The following RGMA variants were observed in gnomAD, a reference collection of about 807,000 sequenced individuals.
The protein encoded by RGMA is repulsive guidance molecule BMP co-receptor a.
RGMA carries 10 observed loss-of-function variants against 23.2 expected under a neutral mutation model. The ratio of observed to expected loss-of-function variants is 0.43; its 90% CI spans 0.27 to 0.73. The LOEUF is 0.73. Among genes scored for constraint, RGMA ranks in the 30% least tolerant of loss-of-function variants. RGMA has a pLI of 0.20. For missense variants in RGMA, 547 were observed against 630.5 expected (o/e 0.87, Z 1.42); for synonymous variants, 308 against 279.3 (o/e 1.10, Z -1.03).
intron 1 of RGMA, chr15:93,074,153 T>C: frequency 1.9e-6 from 1 of 525,700 alleles, no homozygotes; most frequent in African/African-American, 2.0e-5. Context: ...GCAAGTGTTC[T>C]TAGTCAAACC....
intron 2 of RGMA, among the ~76,000 whole-genome samples, chr15:93,055,426 A>G (rs1463067846): frequency 6.6e-5 from 10 of 151,884 alleles, no homozygotes; most frequent in Non-Finnish European, 8.8e-5. Context: ...GCCTCCCCTC[A>G]TTGCATCTTC....
chr15:93,077,909 T>C (rs910649332), intron 1 of RGMA, among the ~76,000 whole-genome samples: 3 of 152,226 alleles, frequency 2.0e-5, no homozygotes, highest in African/African-American at 7.2e-5. Flanking sequence ...GGTTTCACCA[T>C]GTTAGCCAGG....
chr15:93,045,608 T>A lies in RGMA; in HGVS notation c.743A>T (p.Lys248Met). ...GGCCCCGTGCTTGTCCCCACCGTTC[T>A]TAGAGCCATCCACGAAGGCGGCCGG... Reference protein sequence around the residue: ...ELPAAFVDGSKNGGDKHGANS... With the variant: ...ELPAAFVDGSMNGGDKHGANS... The change falls in exon 4 of 4, where the codon AAG becomes ATG. Residue 248 changes from lysine to methionine, a missense_variant. Around this residue, in one of 3 missense-constraint regions of RGMA, gnomAD observed 128 missense variants for 191.7 expected, o/e 0.67. Coordinates refer to ENST00000329082, the MANE Select transcript of RGMA (RefSeq NM_020211.3). The surrounding 1 kb of genome is among the most constrained non-coding windows in gnomAD (Gnocchi z 6.9). 6.2e-7 allele frequency: 1 copy of A among 1,613,326 alleles called. No homozygotes were observed. The highest frequency in any genetic ancestry group is 8.5e-7 in the Non-Finnish European group (1 of 1,179,884).
At chr15:93,049,136 T>TGTCTCTGCTGCTCCC (rs1372982914) in intron 3 of RGMA, among the ~76,000 whole-genome samples, 42 of 152,328 alleles carry the variant, frequency 2.8e-4, no homozygotes, top group African/African-American at 9.9e-4. Flanking sequence ...CTGCCGCTCC[T>TGTCTCTGCTGCTCCC]GTCTCTGCTG....
rs1468594990 is a variant in RGMA at position 93,045,699 on chromosome 15, T to C, written c.652A>G (p.Ile218Val). The change falls in exon 4 of 4, where the codon ATC becomes GTC. Residue 218 changes from isoleucine to valine, a missense_variant. This residue lies in a region of RGMA where 128 missense variants were observed against 191.7 expected (regional missense o/e 0.67). Transcript: ENST00000329082. This position sits in a 1 kb window ranked among gnomAD's most constrained non-coding sequence, Gnocchi z 6.9. ...SAATATSKLT[I>V]IFKNFQECVD... ...CACTCCTGGAAGTTCTTGAAGATGA[T>C]GGTGAGCTGCCGGGGAAAGGGGCAG... 1.2e-5 allele frequency: 20 copies of C among 1,601,766 alleles called. No homozygotes were observed. The highest frequency in any genetic ancestry group is 1.7e-5 in the Non-Finnish European group (20 of 1,179,218).
rs1567198095 is a variant in RGMA, at chr15:93,087,480, A to AAAAAAAC, written c.14+1438_14+1439insGTTTTTT. Among the ~76,000 whole-genome samples the AAAAAAAC allele has an allele frequency of 3.8e-3, 569 of 151,010 alleles. 7 individuals are homozygous for AAAAAAAC. Among genetic ancestry groups the AAAAAAAC allele is most frequent in the African/African-American group, 0.013 (527 of 41,012 alleles). ...TTGTATGTGCAAAAAAAAAAAAAAA[A>AAAAAAAC]AAAACCACAAAACCCAGTTTGGGTA... On this transcript the variant is annotated intron_variant, in intron 1 of 3. Coordinates refer to ENST00000329082, the MANE Select transcript of RGMA (RefSeq NM_020211.3).
chr15:93,045,665 T>G lies in RGMA; in HGVS notation c.686A>C (p.Gln229Pro), dbSNP rs1427656175. The change falls in exon 4 of 4, where the codon CAG becomes CCG. Residue 229 changes from glutamine (Q) to proline (P), a missense_variant. By Grantham distance (76) the Gln-to-Pro change is moderately conservative. Transcript: ENST00000329082. This position sits in a 1 kb window ranked among gnomAD's most constrained non-coding sequence, Gnocchi z 6.9. ...GTCCATCTCAGCCTGGTACACCTTCTGGTCCACACACTCCTGGAAGTTCTT... is the reference window on the plus strand; with the variant it reads ...GTCCATCTCAGCCTGGTACACCTTCGGGTCCACACACTCCTGGAAGTTCTT... ...IFKNFQECVD[Q>P]KVYQAEMDEL... 1 of 1,608,050 alleles carries G rather than the reference T, an allele frequency of 6.2e-7. No homozygotes were observed. The highest frequency in any genetic ancestry group is 1.3e-5 in the African/African-American group (1 of 74,914).
rs1462747055 is a variant in RGMA at position 93,052,120 on chromosome 15, G to A, written c.518C>T (p.Thr173Ile). ...CGLFGDPHLR[T>I]FTDRFQTCKV... ...GCAGGTCTGGAAGCGGTCGGTGAAA[G>A]TCCTGAGGTGTGGGTCCCCGAAGAG... The change falls in exon 3 of 4, where the codon ACT becomes ATT. Residue 173 changes from threonine (T) to isoleucine (I), a missense_variant. By Grantham distance (89) the Thr-to-Ile change is moderately conservative. This residue lies in a region of RGMA where 128 missense variants were observed against 191.7 expected (regional missense o/e 0.67). Transcript: ENST00000329082. 1 of 1,613,920 alleles carries A rather than the reference G, an allele frequency of 6.2e-7. No individual in the cohort carries two copies. Among genetic ancestry groups the A allele is most frequent in the Non-Finnish European group, 8.5e-7 (1 of 1,179,864 alleles).
At chr15:93,076,109 TCAAA>T (rs1323361631) in intron 1 of RGMA, among the ~76,000 whole-genome samples, 2 of 152,196 alleles carry the variant, frequency 1.3e-5, no homozygotes, top group Non-Finnish European at 1.5e-5. Context: ...GTAGTTGACT[TCAAA>T]CAAACAGCCC....
At chr15:93,065,500 G>T (rs906634807) in intron 2 of RGMA, 7 of 539,908 alleles carry the variant, frequency 1.3e-5, no homozygotes, top group Non-Finnish European at 2.1e-5. Context: ...GGGAAACGGG[G>T]AACAGGGTAC....
In RGMA at chr15:93,036,342, T is replaced by G. The variant is rs1596467723; in HGVS notation, c.*8656A>C. 1.3e-5 allele frequency: 2 copies of G among 152,298 alleles called. No homozygotes were observed. Among genetic ancestry groups the G allele is most frequent in the East Asian group, 3.8e-4 (2 of 5,202 alleles). The allele number at this position is 152,298 out of a possible 1,614,324, so 9.4% of individuals were successfully genotyped here. A position where few individuals can be genotyped will look rare whatever the true frequency, so the allele number is the denominator to read the frequency against. On this transcript the variant is annotated 3_prime_UTR_variant, in exon 4 of 4. Coordinates refer to ENST00000329082, the MANE Select transcript of RGMA (RefSeq NM_020211.3). ...GGGAAGAAGGACTCCTCTTGTTTTA[T>G]GCAACCAACACCCACCCTGGGGCAC...
chr15:93,079,173 T>C lies in RGMA; in HGVS notation c.15-6142A>G, dbSNP rs372181597. ...GTTCCTGGGGGATCCTCACTGTTAA[T>C]AATTCTTCATCCAGAAAAGTACCTG... On this transcript the variant is annotated intron_variant, in intron 1 of 3. Coordinates refer to ENST00000329082, the MANE Select transcript of RGMA (RefSeq NM_020211.3). Among the ~76,000 whole-genome samples the C allele has an allele frequency of 1.1e-4, 17 of 152,266 alleles. 1 individual carries two copies. Among genetic ancestry groups the C allele is most frequent in the East Asian group, 9.6e-4 (5 of 5,198 alleles).
intron 1 of RGMA, among the ~76,000 whole-genome samples, chr15:93,074,593 A>G (rs1895438472): frequency 6.6e-6 from 1 of 152,218 alleles, no homozygotes. Flanking sequence ...TGAAATATTG[A>G]GGTCTCAGAT....
rs759713272 is a variant in RGMA at position 93,044,986 on chromosome 15, A to G, written c.*12T>C. The G allele has an allele frequency of 1.2e-5, 19 of 1,588,098 alleles. No individual in the cohort carries two copies. Among genetic ancestry groups the G allele is most frequent in the Non-Finnish European group, 1.6e-5 (19 of 1,166,434 alleles). ...GAGGACGGAGCCCGCGCCTCCCTCC[A>G]CATCTACGCGTCTAGCAGAACACAG... On this transcript the variant is annotated 3_prime_UTR_variant, in exon 4 of 4. Coordinates refer to ENST00000329082, the MANE Select transcript of RGMA (RefSeq NM_020211.3).
At chr15:93,084,600 G>A (rs530311449) in intron 1 of RGMA, among the ~76,000 whole-genome samples, 69 of 152,240 alleles carry the variant, frequency 4.5e-4, no homozygotes, top group African/African-American at 1.6e-3. Flanking sequence ...AGCCACCGGA[G>A]TAGCTGGGAC....
rs571044720 is a variant in RGMA at position 93,070,873 on chromosome 15, C to G, written c.130+2043G>C. 2.0e-5 allele frequency among the ~76,000 whole-genome samples: 3 copies of G among 152,324 alleles called. No homozygotes were observed. The South Asian group carries it at 6.2e-4, about 32-fold the overall frequency. On this transcript the variant is annotated intron_variant, in intron 2 of 3. Transcript: ENST00000329082. ...GGAATTTGGGCTGTGACTTATATAA[C>G]CTACCAGTGTTCCTCAGCCTATGGC...
In RGMA at chr15:93,045,120, G is replaced by A. The variant is rs2054798341; in HGVS notation, c.1231C>T (p.Leu411=). 8.8e-6 allele frequency: 14 copies of A among 1,594,856 alleles called. No individual in the cohort carries two copies. The highest frequency in any genetic ancestry group is 1.2e-5 in the Non-Finnish European group (14 of 1,170,664). Residue 411 remains leucine (L), a synonymous_variant, in exon 4 of 4, where the codon CTG becomes TTG. Coordinates refer to ENST00000329082, the MANE Select transcript of RGMA (RefSeq NM_020211.3). This position sits in a 1 kb window ranked among gnomAD's most constrained non-coding sequence, Gnocchi z 6.9. ...TCCCGAGTCCTCTCATACAGGTGCAGTTTGTCTTTGTTGGAGTGGAGCATC... is the reference window on the plus strand; with the variant it reads ...TCCCGAGTCCTCTCATACAGGTGCAATTTGTCTTTGTTGGAGTGGAGCATC... ...VKMLHSNKDK[L]HLYERTRDLP...
At chr15:93,066,506 C>T (rs896136142) in intron 2 of RGMA, 18 of 502,884 alleles carry the variant, frequency 3.6e-5, no homozygotes, top group African/African-American at 1.5e-4. Flanking sequence ...CAGCGGGGCC[C>T]GAGGCGACTC....
intron 3 of RGMA, among the ~76,000 whole-genome samples, chr15:93,047,289 G>A (rs1206743422): frequency 6.6e-6 from 1 of 152,144 alleles, no homozygotes; most frequent in Non-Finnish European, 1.5e-5. Context: ...CAGAGAAACT[G>A]GGAGAGAAAA....
Sources: allele counts gnomAD v4.1 joint callset (sites outside exome capture counted in the v4.1 genomes callset), GRCh38; gene constraint gnomAD v4.1.1; regional missense constraint gnomAD v4.1.1; non-coding constraint Gnocchi (gnomAD v3.1); transcripts MANE v1.5; gene names NCBI Gene and HGNC (gene_info 2026-07-23, HGNC 2026-07-21).